The following ROBO2 variants were observed in gnomAD, a reference collection of about 807,000 sequenced individuals.
The protein encoded by ROBO2 is roundabout guidance receptor 2, also known as roundabout homolog 2.
ROBO2 carries 53 observed loss-of-function variants against 160.8 expected under a neutral mutation model. That is an observed-to-expected ratio of 0.33 (90% confidence interval 0.26 to 0.41). The LOEUF (loss-of-function observed/expected upper bound fraction) is 0.41, where lower values mean the gene tolerates loss of function less well. ROBO2 is among the 10% of genes least tolerant of loss of function. The probability of loss-of-function intolerance (pLI) is 1.00; values close to 1 mark genes in which losing one functional copy is unlikely to be tolerated. For synonymous variants in ROBO2, 664 were observed against 611.7 expected (o/e 1.09, Z -1.26); for missense variants, 1,577 against 1,722.4 (o/e 0.92, Z 1.49).
intron 2 of ROBO2, among the ~76,000 whole-genome samples, chr3:76,205,186 T>G (rs1047855876): frequency 2.6e-5 from 4 of 152,174 alleles, no homozygotes; most frequent in Non-Finnish European, 5.9e-5. Flanking sequence ...GAGGATTAAA[T>G]GAGACAAAGT....
At chr3:76,635,470 C>G (rs560365077) in intron 2 of ROBO2, among the ~76,000 whole-genome samples, 4 of 152,126 alleles carry the variant, frequency 2.6e-5, no homozygotes, top group Non-Finnish European at 4.4e-5. Flanking sequence ...ATAGGAATGC[C>G]GGAAGAACTG....
chr3:77,543,644 TGAA>T (rs776667354), intron 6 of ROBO2, among the ~76,000 whole-genome samples: 2 of 152,214 alleles, frequency 1.3e-5, no homozygotes, highest in Non-Finnish European at 2.9e-5. Flanking sequence ...ACTGGATAGA[TGAA>T]GAATAATATG....
intron 2 of ROBO2, among the ~76,000 whole-genome samples, chr3:76,362,740 G>C (rs539248126): frequency 6.6e-6 from 1 of 152,142 alleles, no homozygotes; most frequent in African/African-American, 2.4e-5. Context: ...GTATGTCCTA[G>C]TTCTTATTGT....
intron 2 of ROBO2, among the ~76,000 whole-genome samples, chr3:76,103,005 A>T (rs1436010258): frequency 1.3e-5 from 2 of 151,982 alleles, no homozygotes; most frequent in Non-Finnish European, 2.9e-5. Flanking sequence ...TTGCATTTTT[A>T]GTAGAGTCGG....
At chr3:76,065,536 C>A (rs1396552525) in intron 2 of ROBO2, among the ~76,000 whole-genome samples, 1 of 151,792 alleles carries the variant, frequency 6.6e-6, no homozygotes, top group East Asian at 1.9e-4. Context: ...TCTGTAAAAG[C>A]ATCAGAAACC....
intron 2 of ROBO2, among the ~76,000 whole-genome samples, chr3:75,994,082 G>A (rs13347247): frequency 0.021 from 3,145 of 152,148 alleles, 110 homozygotes; most frequent in African/African-American, 0.07. Context: ...AACCAATGCA[G>A]GAACCTTCCA....
Position 76,949,352 on chromosome 3 carries a change from C to A in ROBO2, c.110-148662C>A, listed in dbSNP as rs138087373. ...AGCTGCATCCAGTCCCCAACCCATG[C>A]GGACTGTGTCAACAACTTTAGATTT... On this transcript the variant is annotated intron_variant, in intron 2 of 26. Coordinates refer to the ROBO2 transcript ENST00000487694. Among the ~76,000 whole-genome samples, 573 of 152,210 alleles carry A rather than the reference C, an allele frequency of 3.8e-3. 3 individuals carry two copies. Among genetic ancestry groups the A allele is most frequent in the African/African-American group, 0.013 (550 of 41,542 alleles).
At chr3:76,822,559 G>GTCTAAAT (rs1559557697) in intron 2 of ROBO2, among the ~76,000 whole-genome samples, 1 of 151,686 alleles carries the variant, frequency 6.6e-6, no homozygotes, top group Non-Finnish European at 1.5e-5. Context: ...TACTTTACAT[G>GTCTAAAT]TCTAAATTCA....
At chr3:76,335,566 A>G (rs2073825944) in intron 2 of ROBO2, among the ~76,000 whole-genome samples, 1 of 149,536 alleles carries the variant, frequency 6.7e-6, no homozygotes, top group African/African-American at 2.5e-5. Context: ...TATTCCCATC[A>G]TCATCAAAGC....
At chr3:76,538,068 G>A (rs987404840) in intron 2 of ROBO2, among the ~76,000 whole-genome samples, 15 of 152,050 alleles carry the variant, frequency 9.9e-5, no homozygotes, top group Non-Finnish European at 1.8e-4. Flanking sequence ...CAGATTTCGT[G>A]GCTCCTGCAG....
rs536836496 is a variant in ROBO2 at position 77,104,884 on chromosome 3, G to A, written c.388+6544G>A. On this transcript the variant is annotated intron_variant, in intron 2 of 25. Coordinates refer to ENST00000461745, the Ensembl canonical transcript of ROBO2. ...TATGGAAACAACGGATGGCCACAAAGTTCCTAATAAATCCTTGTGTAACTT... is the reference window on the plus strand; with the variant it reads ...TATGGAAACAACGGATGGCCACAAAATTCCTAATAAATCCTTGTGTAACTT... Among the ~76,000 whole-genome samples the A allele has an allele frequency of 9.1e-4, 139 of 152,258 alleles. 1 individual carries two copies. The highest frequency in any genetic ancestry group is 3.1e-3 in the African/African-American group (130 of 41,556).
chr3:77,584,892 A>ATGTGTGTGTGTGTG (rs71104693), intron 16 of ROBO2, among the ~76,000 whole-genome samples: 4 of 147,316 alleles, frequency 2.7e-5, no homozygotes, highest in African/African-American at 9.9e-5. Context: ...ATATATATGT[A>ATGTGTGTGTGTGTG]TGTGTGTGTG....
intron 2 of ROBO2, among the ~76,000 whole-genome samples, chr3:76,114,508 CA>C (rs1317604873): frequency 3.3e-5 from 5 of 151,944 alleles, no homozygotes; most frequent in African/African-American, 1.2e-4. Context: ...TATTTATATG[CA>C]TTATTTATTT....
chr3:76,836,693 T>C lies in ROBO2; in HGVS notation c.110-261321T>C, dbSNP rs2067724067. On this transcript the variant is annotated intron_variant, in intron 2 of 26. Coordinates refer to the ROBO2 transcript ENST00000487694. The stretch of plus-strand genomic sequence containing the variant: ...CAAATATTTGGGAATTTTCTAGATA[T>C]CTAGATATCTTTCTTTTATTGGTTT... Among the ~76,000 whole-genome samples the C allele has an allele frequency of 2.0e-5, 3 of 152,026 alleles. No homozygotes were observed. The South Asian group carries it at 6.2e-4, about 31-fold the overall frequency.
At chr3:77,575,079 T>G (rs1407089863) in intron 14 of ROBO2, among the ~76,000 whole-genome samples, 2 of 152,122 alleles carry the variant, frequency 1.3e-5, no homozygotes, top group Non-Finnish European at 2.9e-5. Flanking sequence ...TCATTGTGAC[T>G]ACTCTTCTTT....
intron 2 of ROBO2, among the ~76,000 whole-genome samples, chr3:76,007,901 T>G (rs2066070780): frequency 1.3e-5 from 2 of 152,018 alleles, no homozygotes; most frequent in Non-Finnish European, 2.9e-5. Flanking sequence ...ATTAAGGATA[T>G]TAGAGAAAAT....
rs201921202 is a variant in ROBO2, at chr3:76,768,755, TAAC to T, written c.110-329257_110-329255del. 8.4e-3 allele frequency among the ~76,000 whole-genome samples: 1,271 copies of T among 151,310 alleles called. 14 individuals carry two copies. Among genetic ancestry groups the T allele is most frequent in the African/African-American group, 0.029 (1,197 of 41,422 alleles). On this transcript the variant is annotated intron_variant, in intron 2 of 26. Transcript: ENST00000487694. ...AATTCTAGATAGTTTTTAAGTGTAA[TAAC>T]AGTTCATTGCCATTTTGAAAAAGGA...
At chr3:76,618,923 C>A (rs2088821725) in intron 2 of ROBO2, among the ~76,000 whole-genome samples, 1 of 151,796 alleles carries the variant, frequency 6.6e-6, no homozygotes, top group African/African-American at 2.4e-5. Context: ...AGGAGTAATT[C>A]AGCACAGAGA....
chr3:76,114,846 A>G (rs1444679547), intron 2 of ROBO2, among the ~76,000 whole-genome samples: 1 of 152,146 alleles, frequency 6.6e-6, no homozygotes, highest in African/African-American at 2.4e-5. Context: ...CTGAAGTATC[A>G]CTTTTAATGG....
Sources: gnomAD v4.1 joint callset for allele counts (sites outside exome capture counted in the v4.1 genomes callset) on GRCh38, gnomAD v4.1.1 for gene constraint, MANE v1.5 for transcripts, NCBI Gene and HGNC (gene_info 2026-07-23, HGNC 2026-07-21) for gene names.